The following KALRN variants were observed in gnomAD, a reference collection of about 807,000 sequenced individuals.
KALRN encodes kalirin.
A neutral mutation model predicts 353.7 loss-of-function variants in KALRN; 70 were observed. The ratio of observed to expected loss-of-function variants is 0.20; its 90% CI spans 0.16 to 0.24. The LOEUF is 0.24. Among genes scored for constraint, KALRN ranks in the 10% least tolerant of loss-of-function variants. The pLI is 1.00. For missense variants in KALRN, 2,791 were observed against 3,756.7 expected (o/e 0.74, Z 6.72); for synonymous variants, 1,391 against 1,434.8 (o/e 0.97, Z 0.69).
chr3:124,352,797 A>C (rs957300126), intron 10 of KALRN, among the ~76,000 whole-genome samples: 2 of 152,242 alleles, frequency 1.3e-5, no homozygotes, highest in East Asian at 3.9e-4. Context: ...TCTCACTCAT[A>C]AGTGGGAATT....
At chr3:124,692,099 A>G (rs930823531) in intron 51 of KALRN, among the ~76,000 whole-genome samples, 16 of 152,296 alleles carry the variant, frequency 1.1e-4, no homozygotes, top group African/African-American at 3.8e-4. Context: ...AAAAAATCCC[A>G]ATGCCCAGGC....
chr3:124,537,834 A>G (rs541494006), intron 33 of KALRN, among the ~76,000 whole-genome samples: 4 of 152,296 alleles, frequency 2.6e-5, no homozygotes, highest in Non-Finnish European at 5.9e-5. Flanking sequence ...CAGTAGAGGA[A>G]TAGGAGAAGA....
intron 13 of KALRN, among the ~76,000 whole-genome samples, chr3:124,410,809 A>C (rs78241950): frequency 0.012 from 1,832 of 152,314 alleles, 32 homozygotes; most frequent in East Asian, 0.077. Context: ...TTAAACATAC[A>C]CCTACCCTAT....
chr3:124,050,004 T>G (rs575476237), intron 1 of KALRN, among the ~76,000 whole-genome samples: 2 of 152,352 alleles, frequency 1.3e-5, no homozygotes, highest in South Asian at 4.1e-4. Context: ...CAGATTTTTC[T>G]TATGTTCCTC....
At chr3:124,122,148 G>C (rs2064098946) in intron 1 of KALRN, among the ~76,000 whole-genome samples, 1 of 152,202 alleles carries the variant, frequency 6.6e-6, no homozygotes, top group East Asian at 1.9e-4. Context: ...TAAAGAGAAA[G>C]AGAAAAAATT....
chr3:124,430,965 G>C (rs1435986245), intron 16 of KALRN, among the ~76,000 whole-genome samples, 190 bp downstream of exon 16: 1 of 152,214 alleles, frequency 6.6e-6, no homozygotes, highest in African/African-American at 2.4e-5. Flanking sequence ...ATCCCCCAGG[G>C]AGGCCTGGTA....
At chr3:124,637,617 A>ATG (rs2081509186) in intron 37 of KALRN, among the ~76,000 whole-genome samples, 1 of 152,182 alleles carries the variant, frequency 6.6e-6, no homozygotes, top group Non-Finnish European at 1.5e-5. Flanking sequence ...ATTGATATGT[A>ATG]TTTGGTTAGC....
chr3:124,669,577 G>A lies in KALRN; in HGVS notation c.6704-2083G>A, dbSNP rs182961167. On this transcript the variant is annotated intron_variant, in intron 47 of 59. Transcript: ENST00000682506. ...TTGATAAGGCCTACTTTATAACTCT[G>A]CTATGTACTTAGAACTTGGAACTGT... is the stretch of plus-strand genomic sequence containing the variant. Among the ~76,000 whole-genome samples the A allele has an allele frequency of 1.6e-3, 241 of 152,326 alleles. 3 individuals are homozygous for A. Among genetic ancestry groups the A allele is most frequent in the African/African-American group, 5.8e-3 (240 of 41,574 alleles).
At chr3:124,629,540 G>A (rs1479046266) in intron 34 of KALRN, among the ~76,000 whole-genome samples, 3 of 152,144 alleles carry the variant, frequency 2.0e-5, no homozygotes, top group Non-Finnish European at 4.4e-5. Flanking sequence ...ATTACTGGCT[G>A]TTAACTTATT....
intron 5 of KALRN, among the ~76,000 whole-genome samples, chr3:124,280,397 C>T (rs1176659728): frequency 6.6e-6 from 1 of 152,222 alleles, no homozygotes; most frequent in Admixed American, 6.5e-5. Flanking sequence ...TCTCTTCCTT[C>T]CCCTGCAGGG....
intron 3 of KALRN, among the ~76,000 whole-genome samples, chr3:124,241,652 A>C (rs2080458206): frequency 6.6e-6 from 1 of 152,188 alleles, no homozygotes; most frequent in Admixed American, 6.5e-5. Context: ...AGATTCCATA[A>C]ACATTTGGTT....
At chr3:124,224,186 G>A (rs1187794177) in intron 1 of KALRN, among the ~76,000 whole-genome samples, 1 of 151,444 alleles carries the variant, frequency 6.6e-6, no homozygotes, top group Non-Finnish European at 1.5e-5. Context: ...CAACTCCAAG[G>A]GCTTAGGGGT....
chr3:124,673,682 C>G (rs931978846), intron 48 of KALRN, among the ~76,000 whole-genome samples: 2 of 151,892 alleles, frequency 1.3e-5, no homozygotes, highest in Non-Finnish European at 2.9e-5. Flanking sequence ...CTCTATGAGG[C>G]AGCCAGTCCT....
chr3:124,161,281 G>T (rs2069902536), intron 1 of KALRN, among the ~76,000 whole-genome samples: 1 of 152,176 alleles, frequency 6.6e-6, no homozygotes, highest in Non-Finnish European at 1.5e-5. Context: ...GTGAATGCTT[G>T]TATTTGCAAT....
intron 14 of KALRN, 109 bp from the exon 15 acceptor site, chr3:124,422,703 G>A: frequency 1.2e-6 from 1 of 843,788 alleles, no homozygotes; most frequent in Non-Finnish European, 1.9e-6. Context: ...GTTTGGGAGG[G>A]TATGAATAAT....
At chr3:124,236,734 C>T (rs577091369) in intron 3 of KALRN, among the ~76,000 whole-genome samples, 10 of 152,188 alleles carry the variant, frequency 6.6e-5, no homozygotes, top group African/African-American at 2.2e-4. Context: ...AAAAGATTTC[C>T]GCTGGGGTGA....
intron 1 of KALRN, among the ~76,000 whole-genome samples, chr3:124,206,637 C>T (rs1283685570): frequency 2.0e-5 from 3 of 152,192 alleles, no homozygotes; most frequent in Non-Finnish European, 4.4e-5. Flanking sequence ...AATACAGCTT[C>T]ATTCCCACAG....
intron 19 of KALRN, 71 bp downstream of exon 19, chr3:124,442,130 A>G (rs1260618161): frequency 6.1e-6 from 5 of 820,718 alleles, no homozygotes; most frequent in Non-Finnish European, 7.3e-6. Context: ...CCATGTACCC[A>G]GTTTTCACAC....
chr3:124,397,352 C>T (rs557078447), intron 12 of KALRN, among the ~76,000 whole-genome samples: 39 of 152,264 alleles, frequency 2.6e-4, no homozygotes, highest in Admixed American at 1.3e-4. Context: ...GACCGGTAGA[C>T]GGAAGGGTGC....
Sources: gnomAD v4.1 joint callset for allele counts (sites outside exome capture counted in the v4.1 genomes callset) on GRCh38, gnomAD v4.1.1 for gene constraint, MANE v1.5 for transcripts, NCBI Gene and HGNC (gene_info 2026-07-23, HGNC 2026-07-21) for gene names.